Variants in PARD3B observed in about 807,000 individuals in gnomAD.
PARD3B encodes par-3 family cell polarity regulator beta.
In PARD3B, 103 loss-of-function variants were observed where a neutral mutation model predicts 130.2. That is an observed-to-expected ratio of 0.79 (90% CI 0.67 to 0.93). The LOEUF is 0.93. PARD3B is among the 40% of genes least tolerant of loss of function. The pLI, the probability that PARD3B is intolerant of heterozygous loss-of-function variation, is 0.00. For synonymous variants in PARD3B, 583 were observed against 553.2 expected, an observed-to-expected ratio of 1.05 and a Z score of -0.76; for missense variants, 1,609 against 1,499.2, an observed-to-expected ratio of 1.07 and a Z score of -1.21.
rs1335609956 is a variant in PARD3B, at chr2:205,158,508, A to G, written c.1435-214A>G. The stretch of plus-strand genomic sequence containing the variant: ...TCCTCTCTATTGACCATTACCGAAT[A>G]GTATTCCCTGAAACCTCTTCCCCTG... On this transcript the variant is annotated intron_variant, in intron 10 of 22. Transcript: ENST00000406610. The surrounding 1 kb of genome is among the most constrained non-coding windows in gnomAD (Gnocchi z 5.4). Among the ~76,000 whole-genome samples, 1 of 152,184 alleles carries G rather than the reference A, an allele frequency of 6.6e-6. No individual in the cohort carries two copies. Among genetic ancestry groups the G allele is most frequent in the East Asian group, 1.9e-4 (1 of 5,186 alleles).
At chr2:205,588,486 G>GT (rs573922754) in intron 22 of PARD3B, among the ~76,000 whole-genome samples, 21 of 149,798 alleles carry the variant, frequency 1.4e-4, no homozygotes, top group Admixed American at 8.7e-4. Context: ...GACAAGTAAT[G>GT]TTTTTTTTTC....
intron 2 of PARD3B, among the ~76,000 whole-genome samples, chr2:204,726,516 GA>G (rs1559092512): frequency 6.6e-6 from 1 of 152,102 alleles, no homozygotes; most frequent in Non-Finnish European, 1.5e-5. Context: ...GGGTGATTCT[GA>G]AACCTCAAAG....
chr2:205,407,733 A>G lies in PARD3B; in HGVS notation c.2741+6610A>G, dbSNP rs561814674. Among the ~76,000 whole-genome samples the G allele has an allele frequency of 6.6e-6, 1 of 152,142 alleles. No individual in the cohort carries two copies. Among genetic ancestry groups the G allele is most frequent in the Admixed American group, 6.5e-5 (1 of 15,270 alleles). On this transcript the variant is annotated intron_variant, in intron 19 of 22. Transcript: ENST00000406610. The surrounding 1 kb of genome is among the most constrained non-coding windows in gnomAD (Gnocchi z 4.1). ...AGAAAAATATCTCCACTGACACCAAAGACTGTCTTCCATTGAAGTCCCATA... is the reference window on the plus strand; with the variant it reads ...AGAAAAATATCTCCACTGACACCAAGGACTGTCTTCCATTGAAGTCCCATA...
At chr2:205,228,592 T>G (rs2038681544) in intron 15 of PARD3B, among the ~76,000 whole-genome samples, 1 of 152,198 alleles carries the variant, frequency 6.6e-6, no homozygotes, top group Non-Finnish European at 1.5e-5. Context: ...TAGTCTTATT[T>G]GGGGTAAATT....
chr2:204,882,774 T>C (rs1462162945), intron 2 of PARD3B, among the ~76,000 whole-genome samples: 1 of 152,212 alleles, frequency 6.6e-6, no homozygotes, highest in Non-Finnish European at 1.5e-5. Context: ...CTGATTTAGA[T>C]GGCTTTTCGG....
chr2:204,560,167 C>T (rs766736326), intron 1 of PARD3B, among the ~76,000 whole-genome samples: 16 of 152,110 alleles, frequency 1.1e-4, no homozygotes, highest in Non-Finnish European at 2.4e-4. Flanking sequence ...TGCACATGTA[C>T]CCTAGAACTT....
rs984709131 is a variant in PARD3B at position 205,135,200 on chromosome 2, G to A, written c.1434+9463G>A. On this transcript the variant is annotated intron_variant, in intron 10 of 22. Transcript: ENST00000406610. ...TCATCCAGTTAGCCAAATGTTACCAGTAATTTAGGCCAGCTGTTGATTTGG... is the reference window on the plus strand; with the variant it reads ...TCATCCAGTTAGCCAAATGTTACCAATAATTTAGGCCAGCTGTTGATTTGG... Among the ~76,000 whole-genome samples, 3 of 152,212 alleles carry A rather than the reference G, an allele frequency of 2.0e-5. No individual in the cohort carries two copies. The East Asian group carries it at 5.8e-4, about 29-fold the overall frequency.
intron 1 of PARD3B, among the ~76,000 whole-genome samples, chr2:204,547,233 A>C (rs568411466): frequency 6.6e-6 from 1 of 152,228 alleles, no homozygotes; most frequent in Admixed American, 6.5e-5. Flanking sequence ...GTTTAAGAAA[A>C]TACTTGCACC....
At chr2:205,514,018 T>C (rs1472523835) in intron 21 of PARD3B, among the ~76,000 whole-genome samples, 1 of 152,112 alleles carries the variant, frequency 6.6e-6, no homozygotes, top group African/African-American at 2.4e-5. Flanking sequence ...CCCTTTGTAA[T>C]TTCAAAACAA....
intron 16 of PARD3B, among the ~76,000 whole-genome samples, chr2:205,285,839 TGA>T (rs1574598509): frequency 6.6e-6 from 1 of 152,166 alleles, no homozygotes. Flanking sequence ...GCTTGTTCCT[TGA>T]GAGCAGGTGT....
At chr2:205,424,419 G>A (rs188165256) in intron 19 of PARD3B, among the ~76,000 whole-genome samples, 2 of 152,208 alleles carry the variant, frequency 1.3e-5, no homozygotes, top group Non-Finnish European at 2.9e-5. Flanking sequence ...TGTAACCTGG[G>A]GATGAGTGTC....
chr2:204,953,420 CAGAGAGAGAGAG>C (rs138644226), intron 2 of PARD3B, among the ~76,000 whole-genome samples: 5,605 of 123,248 alleles, frequency 0.045, 202 homozygotes, highest in Admixed American at 0.12. Context: ...TACACACACA[CAGAGAGAGAGAG>C]AGAGAGAGAG....
At chr2:204,719,668 A>G (rs1195931325) in intron 2 of PARD3B, among the ~76,000 whole-genome samples, 1 of 152,208 alleles carries the variant, frequency 6.6e-6, no homozygotes. Flanking sequence ...ACATTACACT[A>G]TAACAATAAC....
At chr2:205,353,375 G>A (rs1267120946) in intron 18 of PARD3B, among the ~76,000 whole-genome samples, 1 of 152,142 alleles carries the variant, frequency 6.6e-6, no homozygotes, top group African/African-American at 2.4e-5. Flanking sequence ...ATCAAAATAT[G>A]CTATCTACTT....
chr2:205,546,905 A>G (rs2052404526), intron 21 of PARD3B, among the ~76,000 whole-genome samples: 1 of 152,218 alleles, frequency 6.6e-6, no homozygotes, highest in South Asian at 2.1e-4. Flanking sequence ...AATTGTCAAT[A>G]ATAAACAGAT....
At chr2:205,581,437 A>G (rs909678673) in intron 22 of PARD3B, among the ~76,000 whole-genome samples, 2 of 143,100 alleles carry the variant, frequency 1.4e-5, no homozygotes, top group African/African-American at 2.6e-5. Flanking sequence ...ATATATATAA[A>G]TATATATAAA....
intron 19 of PARD3B, among the ~76,000 whole-genome samples, chr2:205,412,307 G>A (rs1275041903): frequency 6.6e-6 from 1 of 152,138 alleles, no homozygotes; most frequent in Non-Finnish European, 1.5e-5. Flanking sequence ...GGTTTGGGCT[G>A]TGCACAGAAG....
chr2:205,118,922 A>G lies in PARD3B; in HGVS notation c.682A>G (p.Ile228Val), dbSNP rs1360483332. The G allele has an allele frequency of 6.3e-7, 1 of 1,585,242 alleles. No homozygotes were observed. Among genetic ancestry groups the G allele is most frequent in the Non-Finnish European group, 8.6e-7 (1 of 1,168,484 alleles). Residue 228 changes from isoleucine (I) to valine (V), a missense_variant and splice_region_variant, in exon 7 of 23, where the codon ATT becomes GTT. Transcript: ENST00000406610. ...TTTCAATCTAAATTTTGCATTTAGG[A>G]TTCTAGGACTCTTCATCCGAGGCAT... ...VPFFSSLSGR[I>V]LGLFIRGIED...
At chr2:204,739,159 TC>T (rs2039888319) in intron 2 of PARD3B, among the ~76,000 whole-genome samples, 1 of 152,188 alleles carries the variant, frequency 6.6e-6, no homozygotes. Flanking sequence ...ATGTGTTACT[TC>T]ACTGTACCTC....
Sources: gnomAD v4.1 joint callset for allele counts (sites outside exome capture counted in the v4.1 genomes callset) on GRCh38, gnomAD v4.1.1 for gene constraint, Gnocchi (gnomAD v3.1) non-coding constraint, MANE v1.5 for transcripts, NCBI Gene and HGNC (gene_info 2026-07-23, HGNC 2026-07-21) for gene names.